Variants in MAN1C1 observed in about 807,000 individuals in gnomAD.
MAN1C1 encodes the protein mannosyl-oligosaccharide 1,2-alpha-mannosidase IC.
In MAN1C1, 49 loss-of-function variants were observed where a neutral mutation model predicts 71.5. The observed-to-expected ratio is 0.69, with a 90% CI of 0.54 to 0.87. The LOEUF (loss-of-function observed/expected upper bound fraction) is 0.87. Among genes scored for constraint, MAN1C1 ranks in the 40% least tolerant of loss-of-function variants. MAN1C1 has a pLI of 0.00. For synonymous variants in MAN1C1, 352 were observed against 343.7 expected (o/e 1.02, Z -0.27); for missense variants, 743 against 835.0 (o/e 0.89, Z 1.36).
intron 1 of MAN1C1, among the ~76,000 whole-genome samples, chr1:25,663,912 T>C (rs1238271565): frequency 1.3e-5 from 2 of 152,202 alleles, no homozygotes; most frequent in Non-Finnish European, 2.9e-5. Context: ...TGTCTGATAA[T>C]GGGACAGAAT....
In MAN1C1 at chr1:25,735,275, G is replaced by C. The variant is rs1031753413; in HGVS notation, c.638-11393G>C. Among the ~76,000 whole-genome samples, 23 of 152,098 alleles carry C rather than the reference G, an allele frequency of 1.5e-4. No individual in the cohort carries two copies. Among genetic ancestry groups the C allele is most frequent in the Non-Finnish European group, 1.5e-4 (10 of 68,016 alleles). ...TCTGCCAAAAACACAAAAATTAGCC[G>C]GGCATGCTGACGCATGCCTGTAATC... is the stretch of plus-strand genomic sequence containing the variant. On this transcript the variant is annotated intron_variant, in intron 2 of 11. Transcript: ENST00000374332. The surrounding 1 kb of genome is among the most constrained non-coding windows in gnomAD (Gnocchi z 4.6).
chr1:25,783,790 C>A lies in MAN1C1; in HGVS notation c.*1C>A, dbSNP rs1464216459. ...CGGCAGAGCCTGGGGCAGACACTGA[C>A]CCCATCTCCTGCCGCCGCCCTGGGG... is the stretch of plus-strand genomic sequence containing the variant. On this transcript the variant is annotated 3_prime_UTR_variant, in exon 12 of 12. Transcript: ENST00000374332. 2.5e-6 allele frequency: 4 copies of A among 1,609,900 alleles called. No homozygotes were observed. The highest frequency in any genetic ancestry group is 2.5e-6 in the Non-Finnish European group (3 of 1,179,656).
At chr1:25,777,399 AC>A in intron 8 of MAN1C1, among the ~76,000 whole-genome samples, 1 of 152,138 alleles carries the variant, frequency 6.6e-6, no homozygotes, top group Non-Finnish European at 1.5e-5. Flanking sequence ...CAGAGTCTTT[AC>A]AACAGCATCA....
At chr1:25,768,545 AC>A (rs1459426481) in intron 7 of MAN1C1, among the ~76,000 whole-genome samples, 2 of 65,372 alleles carry the variant, frequency 3.1e-5, no homozygotes, top group Non-Finnish European at 6.1e-5. Context: ...CCTCACACAC[AC>A]CACACACACA....
chr1:25,770,367 T>C (rs2124398684), intron 7 of MAN1C1, among the ~76,000 whole-genome samples: 2 of 152,382 alleles, frequency 1.3e-5, no homozygotes, highest in Admixed American at 1.3e-4. Flanking sequence ...GAGTGTACCA[T>C]GTGGCTGGCC....
At chr1:25,662,252 G>A (rs936016915) in intron 1 of MAN1C1, among the ~76,000 whole-genome samples, 1 of 152,210 alleles carries the variant, frequency 6.6e-6, no homozygotes, top group African/African-American at 2.4e-5. Flanking sequence ...TGTTGAATAA[G>A]CAAATGCAGG....
chr1:25,619,627 T>A (rs190067109), intron 1 of MAN1C1, among the ~76,000 whole-genome samples: 1 of 152,200 alleles, frequency 6.6e-6, no homozygotes, highest in African/African-American at 2.4e-5. Flanking sequence ...GGAAACTGAG[T>A]GCTTGGTGTG....
intron 2 of MAN1C1, among the ~76,000 whole-genome samples, chr1:25,740,269 G>A (rs1357364160): frequency 6.6e-6 from 1 of 152,126 alleles, no homozygotes; most frequent in Non-Finnish European, 1.5e-5. Flanking sequence ...AAGGGACAGC[G>A]TGCAGCCAAA....
rs59710145 is a variant in MAN1C1 at position 25,656,095 on chromosome 1, C to CTTTTTTTTTT, written c.541-30332_541-30323dup. 1.6e-3 allele frequency among the ~76,000 whole-genome samples: 122 copies of CTTTTTTTTTT among 74,976 alleles called. 28 individuals are homozygous for CTTTTTTTTTT. The highest frequency in any genetic ancestry group is 8.8e-3 in the African/African-American group (107 of 12,206). The allele number at this position is 74,976 out of a possible 152,430, so 49.2% of individuals were successfully genotyped here. On this transcript the variant is annotated intron_variant, in intron 1 of 11. Coordinates refer to ENST00000374332, the MANE Select transcript of MAN1C1 (RefSeq NM_020379.4). ...TATGTCTTAGGTTGGGATTATCAGT[C>CTTTTTTTTTT]TTTTTTTTTTTTTTTTTTTTTTGAG...
chr1:25,732,899 T>C (rs1449337972), intron 2 of MAN1C1, among the ~76,000 whole-genome samples: 2 of 152,208 alleles, frequency 1.3e-5, no homozygotes, highest in Non-Finnish European at 2.9e-5. Context: ...ATCAGAGCCA[T>C]GCATCTGCAC....
chr1:25,758,131 T>C (rs1045226882), intron 5 of MAN1C1, among the ~76,000 whole-genome samples: 17 of 152,202 alleles, frequency 1.1e-4, no homozygotes, highest in Admixed American at 9.2e-4. Context: ...TGCTTTTCAT[T>C]GGTCCCATTT....
chr1:25,774,267 C>T (rs189708132), intron 8 of MAN1C1, among the ~76,000 whole-genome samples: 63 of 152,298 alleles, frequency 4.1e-4, no homozygotes, highest in Non-Finnish European at 7.8e-4. Context: ...CTGAGTGTCA[C>T]GGCAGGAGAC....
intron 2 of MAN1C1, among the ~76,000 whole-genome samples, chr1:25,719,003 C>T (rs2046722169): frequency 1.3e-5 from 2 of 150,902 alleles, no homozygotes; most frequent in South Asian, 4.2e-4. Flanking sequence ...ATTTTACATT[C>T]CTATCAGTAA....
At chr1:25,723,550 G>A (rs544925644) in intron 2 of MAN1C1, among the ~76,000 whole-genome samples, 1 of 152,258 alleles carries the variant, frequency 6.6e-6, no homozygotes, top group South Asian at 2.1e-4. Context: ...TTCCCTGGTT[G>A]TTCTATCTTT....
intron 5 of MAN1C1, among the ~76,000 whole-genome samples, chr1:25,757,751 G>A (rs918854863): frequency 2.6e-5 from 4 of 152,214 alleles, no homozygotes; most frequent in Admixed American, 6.5e-5. Context: ...AATGCTCCCG[G>A]AAAGGCAGTG....
chr1:25,667,697 T>C (rs981850661), intron 1 of MAN1C1, among the ~76,000 whole-genome samples: 3 of 152,258 alleles, frequency 2.0e-5, no homozygotes, highest in Admixed American at 6.5e-5. Flanking sequence ...ATAATACAGC[T>C]GCAATAATCC....
At chr1:25,621,736 T>A (rs998246333) in intron 1 of MAN1C1, among the ~76,000 whole-genome samples, 1 of 151,950 alleles carries the variant, frequency 6.6e-6, no homozygotes, top group African/African-American at 2.4e-5. Context: ...GTTCAAGCGA[T>A]TCTCATGACT....
intron 1 of MAN1C1, among the ~76,000 whole-genome samples, chr1:25,632,039 A>G (rs566259300): frequency 6.6e-6 from 1 of 152,324 alleles, no homozygotes; most frequent in African/African-American, 2.4e-5. Context: ...TGGCCTCCCA[A>G]AGTGTTGGGA....
chr1:25,736,727 A>G (rs776495602), intron 2 of MAN1C1, among the ~76,000 whole-genome samples: 11 of 152,088 alleles, frequency 7.2e-5, no homozygotes, highest in African/African-American at 2.4e-4. Flanking sequence ...GGGTTTTGCC[A>G]TGTCGCCTAA....
Sources: allele counts gnomAD v4.1 joint callset (sites outside exome capture counted in the v4.1 genomes callset), GRCh38; gene constraint gnomAD v4.1.1; non-coding constraint Gnocchi (gnomAD v3.1); transcripts MANE v1.5; gene names NCBI Gene and HGNC (gene_info 2026-07-23, HGNC 2026-07-21).